Variants in COL22A1 observed in about 807,000 individuals in gnomAD.
COL22A1 encodes collagen alpha-1(XXII) chain.
In COL22A1, 221 loss-of-function variants were observed where a neutral mutation model predicts 248.9. That is an observed-to-expected ratio of 0.89 (90% confidence interval 0.80 to 0.99). The LOEUF is 0.99. COL22A1 is among the 50% of genes least tolerant of loss of function. The pLI, the probability that COL22A1 is intolerant of heterozygous loss-of-function variation, is 0.00. For synonymous variants in COL22A1, 891 were observed against 793.4 expected, an observed-to-expected ratio of 1.12 and a Z score of -2.07; for missense variants, 2,240 against 2,179.0, an observed-to-expected ratio of 1.03 and a Z score of -0.56.
intron 57 of COL22A1, among the ~76,000 whole-genome samples, chr8:138,606,913 C>T (rs1225648791): frequency 6.6e-6 from 1 of 152,142 alleles, no homozygotes; most frequent in Non-Finnish European, 1.5e-5. Context: ...ATCAACTCTG[C>T]ACTAGGGGAG....
At chr8:138,878,699 G>A (rs1315721447) in intron 2 of COL22A1, among the ~76,000 whole-genome samples, 1 of 152,188 alleles carries the variant, frequency 6.6e-6, no homozygotes, top group African/African-American at 2.4e-5. Context: ...GTCAGAAAAT[G>A]CAATCAAAAG....
intron 3 of COL22A1, among the ~76,000 whole-genome samples, chr8:138,868,401 T>C (rs977907592): frequency 9.2e-5 from 14 of 152,112 alleles, no homozygotes; most frequent in Admixed American, 5.2e-4. Flanking sequence ...CCCAACAGCA[T>C]ACAGGGGTAT....
At chr8:138,613,064 C>T (rs752569690) in intron 56 of COL22A1, among the ~76,000 whole-genome samples, 2 of 150,664 alleles carry the variant, frequency 1.3e-5, no homozygotes, top group African/African-American at 2.4e-5. Context: ...CTGGCTAACA[C>T]AGTGAAACCC....
intron 1 of COL22A1, among the ~76,000 whole-genome samples, chr8:138,912,786 G>A (rs1470367392): frequency 1.3e-5 from 2 of 151,672 alleles, no homozygotes; most frequent in African/African-American, 4.8e-5. Flanking sequence ...GGCTCTGGAA[G>A]ATGACAAGTC....
Position 138,685,276 on chromosome 8 carries a change from C to A in COL22A1, c.2899G>T (p.Gly967Cys), listed in dbSNP as rs1346301935. 6.2e-7 allele frequency: 1 copy of A among 1,613,796 alleles called. No individual in the cohort carries two copies. Among genetic ancestry groups the A allele is most frequent in the African/African-American group, 1.3e-5 (1 of 74,902 alleles). Residue 967 changes from glycine to cysteine, a missense_variant, in exon 38 of 65, where the codon GGT (glycine) becomes TGT (cysteine). Transcript: ENST00000303045. ...GGAGCACCAGGATCTCCCCTGGGAC[C>A]AACTGGCCCTGGGCTGCCTTCTTCC... is the stretch of plus-strand genomic sequence containing the variant. ...AGEEGSPGPV[G>C]PRGDPGAPGL...
intron 1 of COL22A1, among the ~76,000 whole-genome samples, chr8:138,900,051 A>G (rs938262583): frequency 1.3e-5 from 2 of 152,130 alleles, no homozygotes; most frequent in Admixed American, 1.3e-4. Flanking sequence ...ATTTCTTCAG[A>G]AGGGGCTAGC....
chr8:138,802,743 G>A (rs1315470573), intron 11 of COL22A1, 129 bp downstream of exon 11: 1 of 738,150 alleles, frequency 1.4e-6, no homozygotes, highest in Admixed American at 1.9e-5. Context: ...CTTGAGGGTG[G>A]TGTGGGAGTA....
chr8:138,883,029 A>G, intron 2 of COL22A1, 53 bp downstream of exon 2: 1 of 1,459,042 alleles, frequency 6.9e-7, no homozygotes, highest in Non-Finnish European at 9.3e-7. Context: ...TCACGGACAC[A>G]TGCTGTCTGC....
At chr8:138,756,188 CTT>C (rs987060554) in intron 18 of COL22A1, among the ~76,000 whole-genome samples, 1 of 152,234 alleles carries the variant, frequency 6.6e-6, no homozygotes, top group African/African-American at 2.4e-5. Flanking sequence ...CAGCCACTGT[CTT>C]TGCACTGTGA....
intron 47 of COL22A1, 138 bp from the exon 48 acceptor site, chr8:138,636,933 G>T (rs546612789): frequency 2.8e-6 from 2 of 726,368 alleles, no homozygotes; most frequent in Admixed American, 2.1e-5. Flanking sequence ...GCTCAGGCAC[G>T]GTGGCAGCAG....
intron 4 of COL22A1, among the ~76,000 whole-genome samples, chr8:138,834,965 G>A (rs1239034720): frequency 6.6e-6 from 1 of 152,180 alleles, no homozygotes; most frequent in African/African-American, 2.4e-5. Context: ...CAGTGCAAGT[G>A]TGCAATACAA....
At chr8:138,873,433 CA>C (rs1386026074) in intron 3 of COL22A1, among the ~76,000 whole-genome samples, 1 of 152,154 alleles carries the variant, frequency 6.6e-6, no homozygotes, top group Non-Finnish European at 1.5e-5. Flanking sequence ...ACTGTCAGGC[CA>C]CTGCCCTTAT....
chr8:138,591,865 T>G (rs1186999149), intron 63 of COL22A1, among the ~76,000 whole-genome samples: 3 of 152,228 alleles, frequency 2.0e-5, no homozygotes, highest in Admixed American at 2.0e-4. Context: ...ACACTCATAT[T>G]CACATACTGA....
intron 49 of COL22A1, 105 bp from the exon 50 acceptor site, chr8:138,630,853 C>T (rs1374819697): frequency 2.1e-6 from 2 of 967,034 alleles, no homozygotes; most frequent in Admixed American, 1.7e-5. Context: ...GTTATCTGTC[C>T]CCTCCAAATC....
At chr8:138,783,843 T>C (rs1368238784) in intron 12 of COL22A1, among the ~76,000 whole-genome samples, 1 of 152,142 alleles carries the variant, frequency 6.6e-6, no homozygotes, top group African/African-American at 2.4e-5. Context: ...CAGTGGGTTT[T>C]CTTGAAGGCT....
At chr8:138,676,792 A>G (rs1053075758) in intron 40 of COL22A1, among the ~76,000 whole-genome samples, 157 bp from the exon 41 acceptor site, 1 of 152,174 alleles carries the variant, frequency 6.6e-6, no homozygotes, top group African/African-American at 2.4e-5. Context: ...GCAGCCCATC[A>G]TCCCACTCAG....
In COL22A1 at chr8:138,883,218, C is replaced by G. The variant is rs370393121; in HGVS notation, c.-46G>C. 2.0e-6 allele frequency: 3 copies of G among 1,525,910 alleles called. No homozygotes were observed. Among genetic ancestry groups the G allele is most frequent in the Non-Finnish European group, 1.8e-6 (2 of 1,124,938 alleles). The allele number at this position is 1,525,910 out of a possible 1,614,324, so 94.5% of individuals were successfully genotyped here. On this transcript the variant is annotated 5_prime_UTR_variant, in exon 2 of 65. Transcript: ENST00000303045. ...CAGGCTTCTCTTGGCCAGGAAGAGACGCTGTTAGGGTCTACAGCAGCATGG... is the reference window on the plus strand; with the variant it reads ...CAGGCTTCTCTTGGCCAGGAAGAGAGGCTGTTAGGGTCTACAGCAGCATGG...
intron 56 of COL22A1, among the ~76,000 whole-genome samples, chr8:138,611,077 T>C (rs56773067): frequency 0.02 from 3,037 of 152,170 alleles, 93 homozygotes; most frequent in African/African-American, 0.069. Flanking sequence ...AAAAAAGAAG[T>C]CACTTCGCTT....
chr8:138,809,528 C>CTTTTTCTTTT lies in COL22A1; in HGVS notation c.1450-1717_1450-1716insAAAAGAAAAA, dbSNP rs1554633655. 1.7e-4 allele frequency among the ~76,000 whole-genome samples: 20 copies of CTTTTTCTTTT among 117,664 alleles called. 4 individuals carry two copies. Among genetic ancestry groups the CTTTTTCTTTT allele is most frequent in the East Asian group, 2.2e-4 (1 of 4,494 alleles). The allele number at this position is 117,664 out of a possible 152,430, so 77.2% of individuals were successfully genotyped here. On this transcript the variant is annotated intron_variant, in intron 9 of 64. Transcript: ENST00000303045. ...TTTCTTCTTCTCTTTTTTTCTTTTT[C>CTTTTTCTTTT]TTTTTTTTTTGAGACAGAGTCTCAC... is the stretch of plus-strand genomic sequence containing the variant.
Sources: allele counts gnomAD v4.1 joint callset (sites outside exome capture counted in the v4.1 genomes callset), GRCh38; gene constraint gnomAD v4.1.1; transcripts MANE v1.5; gene names NCBI Gene and HGNC (gene_info 2026-07-23, HGNC 2026-07-21).